Variants in MCTP2 observed in about 807,000 individuals in gnomAD.
The protein encoded by MCTP2 is multiple C2 and transmembrane domain-containing protein 2.
MCTP2 carries 132 observed loss-of-function variants against 111.6 expected under a neutral mutation model. The ratio of observed to expected loss-of-function variants is 1.18; its 90% CI spans 1.03 to 1.37. The LOEUF (loss-of-function observed/expected upper bound fraction) is 1.37, where lower values mean the gene tolerates loss of function less well. Ranked by LOEUF, MCTP2 falls within the 40% of genes most tolerant of loss-of-function variation. MCTP2 has a pLI of 0.00. For synonymous variants in MCTP2, 395 were observed against 387.7 expected, an observed-to-expected ratio of 1.02 and a Z score of -0.22; for missense variants, 1,183 against 1,067.9, an observed-to-expected ratio of 1.11 and a Z score of -1.50.
chr15:94,393,076 ATATAT>A (rs1199405546), intron 14 of MCTP2, among the ~76,000 whole-genome samples: 4 of 152,202 alleles, frequency 2.6e-5, no homozygotes, highest in East Asian at 3.8e-4. Flanking sequence ...CTATCTGATA[ATATAT>A]TATCTTTGAA....
chr15:94,400,439 C>T (rs1016305195), intron 16 of MCTP2, among the ~76,000 whole-genome samples: 3 of 152,056 alleles, frequency 2.0e-5, no homozygotes, highest in African/African-American at 4.8e-5. Flanking sequence ...CTGGGTTTCG[C>T]TCATGACTGC....
rs1003674673 is a variant in MCTP2, at chr15:94,417,513, G to A, written c.2085+15494G>A. On this transcript the variant is annotated intron_variant, in intron 17 of 22. Coordinates refer to ENST00000357742, the MANE Select transcript of MCTP2 (RefSeq NM_001385001.1). ...ATTGTTTGAGTGAGTACACGTACGT[G>A]TGTGTGTGCGCACATGTTTTAAGAC... Among the ~76,000 whole-genome samples, 27 of 152,186 alleles carry A rather than the reference G, an allele frequency of 1.8e-4. No individual in the cohort carries two copies. The South Asian group carries it at 5.6e-3, about 32-fold the overall frequency.
intron 1 of MCTP2, among the ~76,000 whole-genome samples, chr15:94,242,965 A>G (rs1265422901): frequency 2.5e-5 from 3 of 118,556 alleles, no homozygotes; most frequent in Non-Finnish European, 3.6e-5. Context: ...ATACACGTGT[A>G]TATGTGTATC....
intron 1 of MCTP2, chr15:94,278,353 T>A (rs1050460120): frequency 6.6e-6 from 1 of 152,156 alleles, no homozygotes; most frequent in Non-Finnish European, 1.5e-5. Context: ...CTGTACCTGA[T>A]AGGGATGGCA....
intron 1 of MCTP2, among the ~76,000 whole-genome samples, chr15:94,245,264 A>ATG (rs1254582995): frequency 7.0e-6 from 1 of 142,208 alleles, no homozygotes. Flanking sequence ...ATATATACAT[A>ATG]TGTGTATATA....
chr15:94,446,759 T>C (rs2084140966), intron 19 of MCTP2, among the ~76,000 whole-genome samples: 1 of 152,222 alleles, frequency 6.6e-6, no homozygotes, highest in African/African-American at 2.4e-5. Flanking sequence ...AAGGCTTGCA[T>C]TGTGGGTTGG....
intron 1 of MCTP2, among the ~76,000 whole-genome samples, chr15:94,260,290 T>G (rs1252486944): frequency 6.6e-6 from 1 of 152,140 alleles, no homozygotes; most frequent in African/African-American, 2.4e-5. Context: ...TCTTTAGCAT[T>G]CCTTTCCAGG....
chr15:94,430,393 T>TCACACACACA lies in MCTP2; in HGVS notation c.2086-9741_2086-9732dup, dbSNP rs35129445. Among the ~76,000 whole-genome samples, 232 of 107,196 alleles carry TCACACACACA rather than the reference T, an allele frequency of 2.2e-3. 8 individuals are homozygous for TCACACACACA. Among genetic ancestry groups the TCACACACACA allele is most frequent in the East Asian group, 7.2e-3 (25 of 3,474 alleles). 70.3% of individuals were successfully genotyped at this position (107,196 alleles called of 152,430 possible). On this transcript the variant is annotated intron_variant, in intron 17 of 22. Transcript: ENST00000357742. Reference sequence around the variant, plus strand: ...ACAAACAAAAAAAACCCAAAAACAATCACACACACACACACACACACACAC... The same window carrying TCACACACACA: ...ACAAACAAAAAAAACCCAAAAACAATCACACACACACACACACACACACACACACACACAC...
intron 1 of MCTP2, among the ~76,000 whole-genome samples, chr15:94,242,640 A>T (rs984663970): frequency 6.6e-6 from 1 of 151,918 alleles, no homozygotes; most frequent in Non-Finnish European, 1.5e-5. Flanking sequence ...TATTTACCCA[A>T]CTTGAGGCTG....
chr15:94,307,271 T>TG (rs1043944698), intron 2 of MCTP2, among the ~76,000 whole-genome samples: 2 of 151,952 alleles, frequency 1.3e-5, no homozygotes, highest in African/African-American at 4.8e-5. Context: ...GAGTAGGTGC[T>TG]GGGGGGGAGG....
At chr15:94,276,123 T>C (rs190449127) in intron 1 of MCTP2, among the ~76,000 whole-genome samples, 2,081 of 152,172 alleles carry the variant, frequency 0.014, 41 homozygotes, top group African/African-American at 0.041. Flanking sequence ...GGATTACAGG[T>C]GTGAGCCACC....
At chr15:94,353,529 A>C (rs1372898868) in intron 8 of MCTP2, among the ~76,000 whole-genome samples, 1 of 152,180 alleles carries the variant, frequency 6.6e-6, no homozygotes, top group Admixed American at 6.5e-5. Flanking sequence ...TTTAGGGCAT[A>C]TTTCATGGAA....
At chr15:94,256,939 AAATC>A (rs1236263763) in intron 1 of MCTP2, among the ~76,000 whole-genome samples, 1 of 152,200 alleles carries the variant, frequency 6.6e-6, no homozygotes, top group Non-Finnish European at 1.5e-5. Context: ...ATGACAAATC[AAATC>A]AATCAATCCT....
At chr15:94,440,381 C>A (rs2083712110) in intron 18 of MCTP2, 83 bp downstream of exon 18, 1 of 1,564,536 alleles carries the variant, frequency 6.4e-7, no homozygotes, top group Non-Finnish European at 8.7e-7. Flanking sequence ...AATCATGGCC[C>A]AAGTCCATTT....
At chr15:94,370,806 A>ATT (rs2073306349) in intron 12 of MCTP2, among the ~76,000 whole-genome samples, 1 of 152,168 alleles carries the variant, frequency 6.6e-6, no homozygotes, top group Non-Finnish European at 1.5e-5. Flanking sequence ...TCATTGCCAA[A>ATT]TTACCCCCTT....
At chr15:94,389,417 C>G (rs1005870306) in intron 14 of MCTP2, among the ~76,000 whole-genome samples, 1 of 152,030 alleles carries the variant, frequency 6.6e-6, no homozygotes, top group Non-Finnish European at 1.5e-5. Flanking sequence ...AGATTTTTGA[C>G]CTGGAGGTAG....
At chr15:94,373,155 G>A (rs12594014) in intron 12 of MCTP2, among the ~76,000 whole-genome samples, 9,451 of 152,074 alleles carry the variant, frequency 0.062, 495 homozygotes, top group South Asian at 0.1. Context: ...ACCTCTTTTC[G>A]AATAACCATT....
At chr15:94,399,173 G>A (rs1373901590) in intron 15 of MCTP2, 111 bp downstream of exon 15, 2 of 643,838 alleles carry the variant, frequency 3.1e-6, no homozygotes, top group East Asian at 2.7e-5. Flanking sequence ...TGCAGCTACA[G>A]AGAGGAAAGA....
At chr15:94,466,356 C>T (rs1479557207) in intron 20 of MCTP2, among the ~76,000 whole-genome samples, 1 of 151,982 alleles carries the variant, frequency 6.6e-6, no homozygotes, top group African/African-American at 2.4e-5. Context: ...TGATGCATTT[C>T]CTTGGAGAGG....
Sources: allele counts gnomAD v4.1 joint callset (sites outside exome capture counted in the v4.1 genomes callset), GRCh38; gene constraint gnomAD v4.1.1; transcripts MANE v1.5; gene names NCBI Gene and HGNC (gene_info 2026-07-23, HGNC 2026-07-21).